MGA: variants seen among roughly 807,000 people sequenced by gnomAD.
MGA encodes the protein MAX dimerization protein MGA.
MGA carries 40 observed loss-of-function variants against 261.1 expected under a neutral mutation model. The ratio of observed to expected loss-of-function variants is 0.15; its 90% CI spans 0.12 to 0.20. The LOEUF (loss-of-function observed/expected upper bound fraction) is 0.20. Among genes scored for constraint, MGA ranks in the 10% least tolerant of loss-of-function variants. The pLI, the probability that MGA is intolerant of heterozygous loss-of-function variation, is 1.00. For synonymous variants in MGA, 1,302 were observed against 1,290.6 expected, an observed-to-expected ratio of 1.01 and a Z score of -0.19; for missense variants, 3,397 against 3,630.5, an observed-to-expected ratio of 0.94 and a Z score of 1.65.
At chr15:41,623,964 C>T (rs1660633472) in intron 1 of MGA, among the ~76,000 whole-genome samples, 1 of 151,416 alleles carries the variant, frequency 6.6e-6, no homozygotes, top group Non-Finnish European at 1.5e-5. Flanking sequence ...CGGGGTTTCA[C>T]CGTGTTGGCC....
intron 1 of MGA, among the ~76,000 whole-genome samples, chr15:41,652,247 A>G (rs895063965): frequency 4.0e-5 from 6 of 149,512 alleles, no homozygotes; most frequent in Non-Finnish European, 7.4e-5. Context: ...TGCTGGGATT[A>G]CAGGCGTGAG....
At chr15:41,622,622 A>T (rs140946392) in intron 1 of MGA, among the ~76,000 whole-genome samples, 51 of 152,322 alleles carry the variant, frequency 3.3e-4, no homozygotes, top group Non-Finnish European at 5.9e-4. Flanking sequence ...CTATTGTCAT[A>T]ACTGCGGAGA....
Position 41,736,480 on chromosome 15 carries a change from G to A in MGA, c.4216G>A (p.Asp1406Asn). The change falls in exon 13 of 24, where the codon GAT becomes AAT. Residue 1406 changes from aspartate to asparagine, a missense_variant. Coordinates refer to ENST00000219905, the MANE Select transcript of MGA (RefSeq NM_001164273.2). ...CTCTATGCCATCATGTCAAGACCAA[G>A]ATGATATGGCTGAGAAATCTGGATC... 6.2e-7 allele frequency: 1 copy of A among 1,614,024 alleles called. No homozygotes were observed. Among genetic ancestry groups the A allele is most frequent in the Non-Finnish European group, 8.5e-7 (1 of 1,179,896 alleles).
At chr15:41,708,553 A>C (rs1445397206) in intron 7 of MGA, among the ~76,000 whole-genome samples, 1 of 152,174 alleles carries the variant, frequency 6.6e-6, no homozygotes, top group Non-Finnish European at 1.5e-5. Context: ...TCCTGACCTC[A>C]GGTGATCCGT....
intron 18 of MGA, among the ~76,000 whole-genome samples, chr15:41,756,523 C>A (rs1249227395): frequency 6.6e-6 from 1 of 152,090 alleles, no homozygotes; most frequent in Non-Finnish European, 1.5e-5. Flanking sequence ...CATATCTTTC[C>A]TCTGCTCCTA....
intron 1 of MGA, among the ~76,000 whole-genome samples, chr15:41,635,413 A>G (rs1174870352): frequency 4.0e-5 from 6 of 151,810 alleles, no homozygotes; most frequent in Non-Finnish European, 2.9e-5. Flanking sequence ...ACAAACACAC[A>G]CACACACAAA....
chr15:41,744,376 T>C (rs1315490269), intron 15 of MGA, among the ~76,000 whole-genome samples: 1 of 151,934 alleles, frequency 6.6e-6, no homozygotes, highest in Non-Finnish European at 1.5e-5. Context: ...GCTAATTTTT[T>C]GTATTTTCAG....
chr15:41,725,089 A>G (rs1374076680), intron 9 of MGA, among the ~76,000 whole-genome samples: 1 of 152,244 alleles, frequency 6.6e-6, no homozygotes, highest in Non-Finnish European at 1.5e-5. Context: ...AACCAGCTAC[A>G]TGTCCTCTGT....
intron 1 of MGA, among the ~76,000 whole-genome samples, chr15:41,653,133 G>A (rs758310363): frequency 2.6e-5 from 4 of 152,030 alleles, no homozygotes; most frequent in Non-Finnish European, 4.4e-5. Flanking sequence ...TTGGGAGGCC[G>A]AGGCAGGTGG....
chr15:41,747,957 C>A (rs1386037435), intron 15 of MGA, among the ~76,000 whole-genome samples: 5 of 152,140 alleles, frequency 3.3e-5, no homozygotes, highest in Non-Finnish European at 5.9e-5. Flanking sequence ...GAAGCAAGGT[C>A]AGATTCTGTG....
At chr15:41,754,134 G>T (rs1300291757) in intron 17 of MGA, among the ~76,000 whole-genome samples, 1 of 152,096 alleles carries the variant, frequency 6.6e-6, no homozygotes, top group Non-Finnish European at 1.5e-5. Context: ...GCCCAGGCTG[G>T]TTTTGCACTC....
intron 2 of MGA, among the ~76,000 whole-genome samples, chr15:41,674,382 G>A (rs2058257772): frequency 6.6e-6 from 1 of 151,902 alleles, no homozygotes; most frequent in Non-Finnish European, 1.5e-5. Flanking sequence ...ATTTTCAGTA[G>A]AGGTGGGGTT....
At chr15:41,728,100 C>A (rs570670448) in intron 10 of MGA, among the ~76,000 whole-genome samples, 40 of 152,166 alleles carry the variant, frequency 2.6e-4, no homozygotes, top group African/African-American at 9.6e-4. Context: ...GAGGCTGAGG[C>A]GGGTGGATGA....
intron 5 of MGA, among the ~76,000 whole-genome samples, chr15:41,702,180 G>A (rs940673815): frequency 6.6e-6 from 1 of 152,110 alleles, no homozygotes; most frequent in African/African-American, 2.4e-5. Context: ...AATTAGCCAG[G>A]TGTGGTGGTG....
At chr15:41,733,373 G>T (rs561079199) in intron 11 of MGA, among the ~76,000 whole-genome samples, 1 of 152,292 alleles carries the variant, frequency 6.6e-6, no homozygotes, top group East Asian at 1.9e-4. Flanking sequence ...GTGGCAGTCT[G>T]TCCAACCCAT....
chr15:41,725,858 AAAT>A (rs1246453428), intron 9 of MGA, among the ~76,000 whole-genome samples: 2 of 11,962 alleles, frequency 1.7e-4, no homozygotes, highest in African/African-American at 3.0e-4. Flanking sequence ...AAAAAAAAAT[AAAT>A]AAATAAATAA....
intron 1 of MGA, among the ~76,000 whole-genome samples, chr15:41,665,190 A>G (rs1003718692): frequency 1.2e-4 from 19 of 152,212 alleles, no homozygotes; most frequent in African/African-American, 3.6e-4. Flanking sequence ...TTTGCTGCTC[A>G]TCATTAGCTC....
intron 1 of MGA, among the ~76,000 whole-genome samples, chr15:41,644,879 T>C (rs1016617860): frequency 7.9e-5 from 12 of 152,176 alleles, no homozygotes; most frequent in African/African-American, 2.9e-4. Context: ...AAACTTTTTC[T>C]GTAGAGGGCC....
chr15:41,652,891 T>G (rs1249078203), intron 1 of MGA, among the ~76,000 whole-genome samples: 1 of 152,188 alleles, frequency 6.6e-6, no homozygotes, highest in Non-Finnish European at 1.5e-5. Context: ...TAGCCTTATT[T>G]ACTTATGCTA....
Sources: allele counts gnomAD v4.1 joint callset (sites outside exome capture counted in the v4.1 genomes callset), GRCh38; gene constraint gnomAD v4.1.1; transcripts MANE v1.5; gene names NCBI Gene and HGNC (gene_info 2026-07-23, HGNC 2026-07-21).